Variants in AKAP19 observed in about 807,000 individuals in gnomAD.
AKAP19 encodes A-kinase anchoring protein 19, also known as small A-kinase anchoring protein.
the AKAP19 span, among the ~76,000 whole-genome samples, chr2:190,049,868 C>CAT: frequency 6.6e-6 from 1 of 152,146 alleles, no homozygotes; most frequent in East Asian, 1.9e-4. Context: ...TAGGGATACA[C>CAT]ATATATATCT....
the AKAP19 span, among the ~76,000 whole-genome samples, chr2:190,021,004 A>C: frequency 4.3e-4 from 65 of 152,296 alleles, no homozygotes; most frequent in African/African-American, 1.5e-3. Context: ...TAGGATGAAT[A>C]ATATTCCATT....
At chr2:190,079,139 A>G in the AKAP19 span, 1 of 152,178 alleles carries the variant, frequency 6.6e-6, no homozygotes, top group Non-Finnish European at 1.5e-5. Context: ...TGGGTAGTTA[A>G]TAGGAATTTT....
the AKAP19 span, among the ~76,000 whole-genome samples, chr2:190,034,794 C>A: frequency 8.1e-6 from 1 of 122,796 alleles, no homozygotes; most frequent in Non-Finnish European, 1.6e-5. Flanking sequence ...GCAGAGGTTG[C>A]AATGAGCAGA....
chr2:189,898,834 C>A, the AKAP19 span, among the ~76,000 whole-genome samples: 1 of 152,138 alleles, frequency 6.6e-6, no homozygotes, highest in African/African-American at 2.4e-5. Context: ...CATATTGCAA[C>A]GAAAGAACCT....
chr2:190,188,724 G>A, the AKAP19 span, among the ~76,000 whole-genome samples: 5 of 152,176 alleles, frequency 3.3e-5, no homozygotes, highest in South Asian at 2.1e-4. Context: ...TGCCTTTTAA[G>A]TATTTAAAAG....
the AKAP19 span, among the ~76,000 whole-genome samples, chr2:190,126,269 A>C: frequency 7.7e-6 from 1 of 129,492 alleles, no homozygotes; most frequent in Non-Finnish European, 1.6e-5. Context: ...CCAGCCTGGC[A>C]ACAGAGCGAG....
At chr2:190,056,170 T>G in the AKAP19 span, 1 of 152,556 alleles carries the variant, frequency 6.6e-6, no homozygotes, top group Non-Finnish European at 1.5e-5. Flanking sequence ...CTCTGAAATA[T>G]AAGTAGTTGC....
At chr2:190,199,577 T>C in the AKAP19 span, 1 of 424,318 alleles carries the variant, frequency 2.4e-6, no homozygotes, top group East Asian at 4.7e-5. Context: ...TAAAGCTGTT[T>C]GTTTTTACCT....
the AKAP19 span, among the ~76,000 whole-genome samples, chr2:190,132,936 GC>G: frequency 6.6e-6 from 1 of 151,972 alleles, no homozygotes; most frequent in African/African-American, 2.4e-5. Context: ...CAATTCAATA[GC>G]AAGAAAGCAA....
At chr2:190,014,839 GC>G in the AKAP19 span, among the ~76,000 whole-genome samples, 1 of 152,062 alleles carries the variant, frequency 6.6e-6, no homozygotes, top group Non-Finnish European at 1.5e-5. Flanking sequence ...GGGGCTACAG[GC>G]CCCCATGCAA....
At chr2:190,193,912 A>G in the AKAP19 span, among the ~76,000 whole-genome samples, 1 of 152,140 alleles carries the variant, frequency 6.6e-6, no homozygotes, top group East Asian at 1.9e-4. Flanking sequence ...CTTTTCTATT[A>G]TAAGCATTTA....
At chr2:190,012,902 G>A in the AKAP19 span, among the ~76,000 whole-genome samples, 3 of 152,112 alleles carry the variant, frequency 2.0e-5, no homozygotes, top group Admixed American at 6.5e-5. Flanking sequence ...TCAATGTGAT[G>A]TGTTACATTT....
chr2:190,175,134 C>T, the AKAP19 span, among the ~76,000 whole-genome samples: 118 of 152,282 alleles, frequency 7.7e-4, no homozygotes, highest in Non-Finnish European at 1.5e-3. Flanking sequence ...TTTCCAGGCA[C>T]GTCTACCTCT....
chr2:189,985,015 C>T, the AKAP19 span, among the ~76,000 whole-genome samples: 1 of 152,120 alleles, frequency 6.6e-6, no homozygotes, highest in Admixed American at 6.5e-5. Context: ...TCTCAAATTG[C>T]CACTGATAAT....
At chr2:190,057,910 TGGC>T in the AKAP19 span, among the ~76,000 whole-genome samples, 14 of 152,134 alleles carry the variant, frequency 9.2e-5, no homozygotes, top group Admixed American at 8.5e-4. Context: ...CCAGATTGCC[TGGC>T]ACATAATGGA....
At chr2:189,975,726 A>G in the AKAP19 span, among the ~76,000 whole-genome samples, 1 of 151,050 alleles carries the variant, frequency 6.6e-6, no homozygotes, top group East Asian at 1.9e-4. Context: ...GCTTCATTTC[A>G]CTCATTTGAT....
chr2:189,945,779 C>T, the AKAP19 span, among the ~76,000 whole-genome samples: 2 of 152,152 alleles, frequency 1.3e-5, no homozygotes, highest in African/African-American at 4.8e-5. Flanking sequence ...TAATAATCTG[C>T]ACCTCTTTCA....
chr2:190,021,284 G>A, the AKAP19 span, among the ~76,000 whole-genome samples: 1 of 152,056 alleles, frequency 6.6e-6, no homozygotes, highest in Non-Finnish European at 1.5e-5. Context: ...AAAAGCTATT[G>A]ATTTTGTATA....
chr2:190,049,225 GA>G, the AKAP19 span, among the ~76,000 whole-genome samples: 5 of 149,394 alleles, frequency 3.3e-5, no homozygotes, highest in African/African-American at 9.8e-5. Flanking sequence ...CAACCTAATA[GA>G]AAAAAAAATG....
Sources: gnomAD v4.1 joint callset for allele counts (sites outside exome capture counted in the v4.1 genomes callset) on GRCh38, gnomAD v4.1.1 for gene constraint, MANE v1.5 for transcripts, NCBI Gene and HGNC (gene_info 2026-07-23, HGNC 2026-07-21) for gene names.